Variants in SLC38A11 observed in about 807,000 individuals in gnomAD.
SLC38A11 encodes solute carrier family 38 member 11.
SLC38A11 carries 51 observed loss-of-function variants against 49.4 expected under a neutral mutation model. The ratio of observed to expected loss-of-function variants is 1.03; its 90% confidence interval spans 0.83 to 1.30. The LOEUF is 1.30. Ranked by LOEUF, SLC38A11 falls within the 50% of genes most tolerant of loss-of-function variation. The pLI is 0.00. For missense variants in SLC38A11, 574 were observed against 556.2 expected, an observed-to-expected ratio of 1.03 and a Z score of -0.32; for synonymous variants, 203 against 192.9, an observed-to-expected ratio of 1.05 and a Z score of -0.43.
chr2:164,919,306 G>A (rs1057127763), intron 7 of SLC38A11, among the ~76,000 whole-genome samples: 1 of 151,874 alleles, frequency 6.6e-6, no homozygotes, highest in African/African-American at 2.4e-5. Context: ...CTCTAGCTTG[G>A]TCAATAGAGT....
At chr2:164,952,683 A>T (rs1328682645) in intron 3 of SLC38A11, 24 bp downstream of exon 3, 19 of 1,500,644 alleles carry the variant, frequency 1.3e-5, no homozygotes, top group Non-Finnish European at 1.8e-5. Flanking sequence ...AGTTGCAGAA[A>T]TAAGAAATTA....
At chr2:164,953,655 T>C (rs911525099) in intron 2 of SLC38A11, among the ~76,000 whole-genome samples, 1 of 151,978 alleles carries the variant, frequency 6.6e-6, no homozygotes, top group Non-Finnish European at 1.5e-5. Context: ...AAAAAGACTA[T>C]CCATAGAAAA....
In SLC38A11 at chr2:164,955,401, G is replaced by T; in HGVS notation, c.-154C>A. 1 of 678,340 alleles carries T rather than the reference G, an allele frequency of 1.5e-6. No individual in the cohort carries two copies. The highest frequency in any genetic ancestry group is 2.5e-6 in the Non-Finnish European group (1 of 394,878). 42.0% of individuals were successfully genotyped at this position (678,340 alleles called of 1,614,324 possible). A position where few individuals can be genotyped will look rare whatever the true frequency, so the allele number is the denominator to read the frequency against. ...TTCCACGGGCGCCCCCTGCTCCCTC[G>T]GCAGGCCGCGAGGGCTGCAGCCCCA... is the stretch of plus-strand genomic sequence containing the variant. On this transcript the variant is annotated 5_prime_UTR_variant, in exon 1 of 12. Transcript: ENST00000685975.
chr2:164,913,260 T>C (rs887226340), intron 9 of SLC38A11, among the ~76,000 whole-genome samples: 5 of 152,012 alleles, frequency 3.3e-5, no homozygotes, highest in South Asian at 2.1e-4. Context: ...GGCAGAAACC[T>C]GCTTCAAGGT....
rs1684378897 is a variant in SLC38A11 at position 164,896,494 on chromosome 2, G to C, written c.*1943C>G. ...CTTTATTTAATAATTATGTAGGTCA[G>C]TGTTTCTCAGTCTTGAGCAATGTAA... On this transcript the variant is annotated 3_prime_UTR_variant, in exon 12 of 12. Coordinates refer to ENST00000685975, the MANE Select transcript of SLC38A11 (RefSeq NM_001351537.2). The C allele has an allele frequency of 1.3e-5, 2 of 152,064 alleles. No individual in the cohort carries two copies. The highest frequency in any genetic ancestry group is 4.1e-4 in the South Asian group (2 of 4,826). 9.4% of individuals were successfully genotyped at this position (152,064 alleles called of 1,614,324 possible). A position where few individuals can be genotyped will look rare whatever the true frequency, so the allele number is the denominator to read the frequency against.
rs985566101 is a variant in SLC38A11 at position 164,895,627 on chromosome 2, A to C, written c.*2810T>G. 2.0e-5 allele frequency: 3 copies of C among 152,190 alleles called. No individual in the cohort carries two copies. The highest frequency in any genetic ancestry group is 1.3e-4 in the Admixed American group (2 of 15,262). 9.4% of individuals were successfully genotyped at this position (152,190 alleles called of 1,614,324 possible). A position where few individuals can be genotyped will look rare whatever the true frequency, so the allele number is the denominator to read the frequency against. ...GATGCAGTCTCCTTTTAAGAAAGACAAGGGGCAACAATTATTGTTTGGCAT... is the reference window on the plus strand; with the variant it reads ...GATGCAGTCTCCTTTTAAGAAAGACCAGGGGCAACAATTATTGTTTGGCAT... On this transcript the variant is annotated 3_prime_UTR_variant, in exon 12 of 12. Transcript: ENST00000685975.
At chr2:164,942,082 A>G (rs1477176615) in intron 5 of SLC38A11, among the ~76,000 whole-genome samples, 1 of 152,184 alleles carries the variant, frequency 6.6e-6, no homozygotes, top group African/African-American at 2.4e-5. Flanking sequence ...TATTTTTCAA[A>G]TAAATCGGCG....
At chr2:164,943,907 A>C (rs1398514103) in intron 5 of SLC38A11, among the ~76,000 whole-genome samples, 1 of 152,126 alleles carries the variant, frequency 6.6e-6, no homozygotes, top group South Asian at 2.1e-4. Flanking sequence ...CCCAACCTGC[A>C]GGGCAGTGGC....
At chr2:164,925,800 T>A (rs1686531778) in intron 7 of SLC38A11, among the ~76,000 whole-genome samples, 1 of 152,136 alleles carries the variant, frequency 6.6e-6, no homozygotes, top group Admixed American at 6.6e-5. Context: ...GATATATTGG[T>A]CTTAATAGCC....
intron 5 of SLC38A11, among the ~76,000 whole-genome samples, chr2:164,942,769 A>G (rs1687868092): frequency 1.3e-5 from 2 of 152,192 alleles, no homozygotes; most frequent in Admixed American, 1.3e-4. Context: ...GGTAACAATA[A>G]TAATAGCTAA....
chr2:164,952,265 G>A (rs923146341), intron 3 of SLC38A11, among the ~76,000 whole-genome samples: 2 of 152,176 alleles, frequency 1.3e-5, no homozygotes, highest in Admixed American at 6.5e-5. Flanking sequence ...GCCAGGCGGA[G>A]AGGCTTGATG....
chr2:164,955,274 G>T lies in SLC38A11; in HGVS notation c.-27C>A, dbSNP rs1688774018. On this transcript the variant is annotated 5_prime_UTR_variant, in exon 1 of 12. Transcript: ENST00000685975. ...GCTGAGCGGTGGTCCTCAGCAGGTG[G>T]AAGATGCTGGGGCTGGGTACGGATT... The T allele has an allele frequency of 6.5e-7, 1 of 1,549,066 alleles. No individual in the cohort carries two copies. The highest frequency in any genetic ancestry group is 1.4e-5 in the African/African-American group (1 of 73,008).
At position 164,904,234 on chromosome 2, in the gene SLC38A11, C is replaced by T. The variant is rs562723805; in HGVS notation, c.1095+4406G>A. The stretch of plus-strand genomic sequence containing the variant: ...CTGCTGCGAGTAGAAACCCATAGGG[C>T]CCAATTACTGCAGATGCCTCTTTTC... On this transcript the variant is annotated intron_variant, in intron 11 of 11. Coordinates refer to ENST00000685975, the MANE Select transcript of SLC38A11 (RefSeq NM_001351537.2). Among the ~76,000 whole-genome samples, 76 of 152,256 alleles carry T rather than the reference C, an allele frequency of 5.0e-4. 2 individuals carry two copies. In the South Asian group the frequency reaches 0.014, roughly 28 times the overall value.
chr2:164,916,426 G>C (rs1365604594), intron 7 of SLC38A11, among the ~76,000 whole-genome samples: 5 of 151,992 alleles, frequency 3.3e-5, no homozygotes, highest in African/African-American at 1.2e-4. Flanking sequence ...ATTGAGAGAG[G>C]TAAACATGAA....
intron 7 of SLC38A11, among the ~76,000 whole-genome samples, chr2:164,925,294 C>T (rs993981934): frequency 6.6e-6 from 1 of 152,158 alleles, no homozygotes; most frequent in African/African-American, 2.4e-5. Context: ...ACTTTTTTAA[C>T]ATGATGAAAA....
chr2:164,916,159 C>T (rs531799000), intron 7 of SLC38A11, among the ~76,000 whole-genome samples, 186 bp from the exon 8 acceptor site: 3 of 152,104 alleles, frequency 2.0e-5, no homozygotes, highest in East Asian at 1.9e-4. Context: ...ATCTCTTAAC[C>T]CCAGTCCTCT....
At chr2:164,919,339 A>C (rs1686017682) in intron 7 of SLC38A11, among the ~76,000 whole-genome samples, 1 of 152,196 alleles carries the variant, frequency 6.6e-6, no homozygotes, top group Admixed American at 6.5e-5. Context: ...CAAAATGAAT[A>C]AAATAAAATA....
intron 3 of SLC38A11, among the ~76,000 whole-genome samples, chr2:164,947,117 C>CTTTTTTTTTTTTTTCTTTTTTTTT (rs1688169209): frequency 1.4e-5 from 1 of 72,902 alleles, no homozygotes; most frequent in Admixed American, 1.3e-4. Context: ...TTTTTTATCT[C>CTTTTTTTTTTTTTTCTTTTTTTTT]TTTTTTTTTT....
intron 7 of SLC38A11, among the ~76,000 whole-genome samples, chr2:164,932,707 G>A (rs2105489179): frequency 6.6e-6 from 1 of 152,162 alleles, no homozygotes; most frequent in South Asian, 2.1e-4. Flanking sequence ...ACACAGAGAG[G>A]GGAACAACAC....
Sources: allele counts gnomAD v4.1 joint callset (sites outside exome capture counted in the v4.1 genomes callset), GRCh38; gene constraint gnomAD v4.1.1; transcripts MANE v1.5; gene names NCBI Gene and HGNC (gene_info 2026-07-23, HGNC 2026-07-21).